PTPRG: variants seen among roughly 807,000 people sequenced by gnomAD.
The protein encoded by PTPRG is protein tyrosine phosphatase receptor type G.
PTPRG carries 102 observed loss-of-function variants against 165.3 expected under a neutral mutation model. The observed-to-expected ratio is 0.62, with a 90% confidence interval of 0.53 to 0.73. The LOEUF is 0.73. Ranked by LOEUF, PTPRG falls within the 30% of genes least tolerant of loss-of-function variation. PTPRG has a pLI of 0.00. For missense variants in PTPRG, 1,866 were observed against 1,861.4 expected (o/e 1.00, Z -0.05); for synonymous variants, 675 against 669.5 (o/e 1.01, Z -0.13).
chr3:61,912,684 CT>C (rs1387775817), intron 2 of PTPRG, among the ~76,000 whole-genome samples: 2 of 152,094 alleles, frequency 1.3e-5, no homozygotes, highest in Admixed American at 1.3e-4. Context: ...TCCCCTTATT[CT>C]TGTCAATCGG....
intron 6 of PTPRG, among the ~76,000 whole-genome samples, chr3:62,141,605 A>G (rs1437332217): frequency 1.3e-5 from 2 of 152,012 alleles, no homozygotes; most frequent in African/African-American, 2.4e-5. Flanking sequence ...TCTTAACAAA[A>G]AAGAAGACAT....
At chr3:61,813,384 A>G (rs1161816592) in intron 2 of PTPRG, among the ~76,000 whole-genome samples, 1 of 150,018 alleles carries the variant, frequency 6.7e-6, no homozygotes, top group African/African-American at 2.4e-5. Flanking sequence ...GTGTGGTGAC[A>G]TGCACCTGTA....
chr3:62,013,114 AT>A (rs1208913587), intron 4 of PTPRG, among the ~76,000 whole-genome samples: 4 of 152,132 alleles, frequency 2.6e-5, no homozygotes, highest in Non-Finnish European at 5.9e-5. Flanking sequence ...AAACAAGAAT[AT>A]TTACTATAAA....
chr3:61,824,683 CAA>C (rs1480125017), intron 2 of PTPRG, among the ~76,000 whole-genome samples: 2 of 152,258 alleles, frequency 1.3e-5, no homozygotes, highest in Non-Finnish European at 2.9e-5. Context: ...TGCCTGTACT[CAA>C]GAGGCTGAAG....
intron 1 of PTPRG, chr3:61,742,535 A>T (rs1457000364): frequency 1.3e-6 from 2 of 1,595,830 alleles, no homozygotes; most frequent in Non-Finnish European, 1.7e-6. Flanking sequence ...TTGAGCAATG[A>T]CACCAAGAAG....
chr3:61,749,211 T>A (rs1345971202), intron 2 of PTPRG: 3 of 632,262 alleles, frequency 4.7e-6, no homozygotes, highest in Admixed American at 4.3e-5. Flanking sequence ...TTTGCGTTTA[T>A]TTCTGAACTT....
intron 26 of PTPRG, among the ~76,000 whole-genome samples, chr3:62,278,583 GA>G (rs1702317402): frequency 6.6e-6 from 1 of 152,016 alleles, no homozygotes; most frequent in Admixed American, 6.6e-5. Context: ...ATGATAGTCA[GA>G]TTAATGAGTT....
At position 62,203,042 on chromosome 3, in the gene PTPRG, C is replaced by A. The variant is rs894486155; in HGVS notation, c.1378-131C>A. On this transcript the variant is annotated intron_variant, in intron 11 of 29. Coordinates refer to ENST00000474889, the MANE Select transcript of PTPRG (RefSeq NM_002841.4). The surrounding 1 kb of genome is among the most constrained non-coding windows in gnomAD (Gnocchi z 6.4). ...CAACTTTATGCCATACATTGGAAAACTCCATAGCATAGATGAGTAAAATCC... is the reference window on the plus strand; with the variant it reads ...CAACTTTATGCCATACATTGGAAAAATCCATAGCATAGATGAGTAAAATCC... 1.4e-6 allele frequency: 2 copies of A among 1,432,018 alleles called. No individual in the cohort carries two copies. The highest frequency in any genetic ancestry group is 1.8e-6 in the Non-Finnish European group (2 of 1,082,788). The allele number at this position is 1,432,018 out of a possible 1,614,324, so 88.7% of individuals were successfully genotyped here. A position where few individuals can be genotyped will look rare whatever the true frequency, so the allele number is the denominator to read the frequency against.
chr3:62,201,696 CACTTTT>C, intron 11 of PTPRG, 142 bp downstream of exon 11: 1 of 604,004 alleles, frequency 1.7e-6, no homozygotes, highest in Non-Finnish European at 2.7e-6. Flanking sequence ...TTACATTATT[CACTTTT>C]TATAATTCAG....
intron 1 of PTPRG, among the ~76,000 whole-genome samples, chr3:61,667,907 C>G (rs1279427266): frequency 6.6e-6 from 1 of 152,024 alleles, no homozygotes; most frequent in Non-Finnish European, 1.5e-5. Context: ...GGGCAAACAT[C>G]TGGCCTACTG....
chr3:61,799,855 G>A (rs909174497), intron 2 of PTPRG, among the ~76,000 whole-genome samples: 1 of 152,122 alleles, frequency 6.6e-6, no homozygotes. Flanking sequence ...TTTTTCCCCA[G>A]AACAGTAAGT....
chr3:61,886,924 T>C (rs1207574888), intron 2 of PTPRG, among the ~76,000 whole-genome samples: 1 of 151,552 alleles, frequency 6.6e-6, no homozygotes, highest in Non-Finnish European at 1.5e-5. Context: ...TTTTTTTTTT[T>C]TAAGTGAAGC....
At chr3:61,870,522 AT>A (rs71100985) in intron 2 of PTPRG, among the ~76,000 whole-genome samples, 9,221 of 38,312 alleles carry the variant, frequency 0.24, 1,155 homozygotes, top group East Asian at 0.51. Context: ...GTAGAGATGG[AT>A]TTTTTTTTTT....
intron 2 of PTPRG, among the ~76,000 whole-genome samples, chr3:61,892,831 G>C (rs1281967615): frequency 6.7e-6 from 1 of 150,090 alleles, no homozygotes; most frequent in Non-Finnish European, 1.5e-5. Flanking sequence ...AAAAAAAAAA[G>C]TACCTGGGTC....
At chr3:61,705,071 G>T (rs903801956) in intron 1 of PTPRG, among the ~76,000 whole-genome samples, 1 of 152,194 alleles carries the variant, frequency 6.6e-6, no homozygotes, top group Non-Finnish European at 1.5e-5. Context: ...AGTGAGCTTA[G>T]CTGCCTGGGA....
chr3:61,709,604 C>T (rs112117348), intron 1 of PTPRG, among the ~76,000 whole-genome samples: 2,037 of 152,260 alleles, frequency 0.013, 46 homozygotes, highest in African/African-American at 0.045. Context: ...TGTGAGCCAC[C>T]GTTCCCCGCC....
chr3:61,985,173 G>A (rs913537719), intron 2 of PTPRG, among the ~76,000 whole-genome samples: 1 of 152,190 alleles, frequency 6.6e-6, no homozygotes, highest in African/African-American at 2.4e-5. Flanking sequence ...TTTGACTGTT[G>A]GCTTCTGCCC....
intron 23 of PTPRG, among the ~76,000 whole-genome samples, chr3:62,274,195 A>G (rs538871380): frequency 6.6e-6 from 1 of 152,310 alleles, no homozygotes; most frequent in East Asian, 1.9e-4. Flanking sequence ...AATTATTAAG[A>G]ATGATGACTT....
chr3:61,567,472 G>A (rs1049865037), intron 1 of PTPRG, among the ~76,000 whole-genome samples: 4 of 152,056 alleles, frequency 2.6e-5, no homozygotes, highest in African/African-American at 9.7e-5. Context: ...AGAAGTTCGA[G>A]ACCAGCCAGG....
Sources: allele counts gnomAD v4.1 joint callset (sites outside exome capture counted in the v4.1 genomes callset), GRCh38; gene constraint gnomAD v4.1.1; non-coding constraint Gnocchi (gnomAD v3.1); transcripts MANE v1.5; gene names NCBI Gene and HGNC (gene_info 2026-07-23, HGNC 2026-07-21).